PPP2R2B: variants seen among roughly 807,000 people sequenced by gnomAD.
The protein encoded by PPP2R2B is protein phosphatase 2 regulatory subunit Bbeta.
PPP2R2B carries 5 observed loss-of-function variants against 46.0 expected under a neutral mutation model. The observed-to-expected ratio is 0.11, with a 90% CI of 0.06 to 0.23. The LOEUF is 0.23. Among genes scored for constraint, PPP2R2B ranks in the 10% least tolerant of loss-of-function variants. PPP2R2B has a pLI of 1.00. For missense variants in PPP2R2B, 367 were observed against 575.0 expected (o/e 0.64, Z 3.70); for synonymous variants, 215 against 206.7 (o/e 1.04, Z -0.34).
chr5:146,646,136 C>T (rs556595670), intron 6 of PPP2R2B, among the ~76,000 whole-genome samples: 1 of 152,194 alleles, frequency 6.6e-6, no homozygotes, highest in Non-Finnish European at 1.5e-5. Context: ...ATGAACATTA[C>T]TCTGAAAGCG....
chr5:147,042,093 C>T (rs1217889580), intron 1 of PPP2R2B, among the ~76,000 whole-genome samples: 2 of 152,174 alleles, frequency 1.3e-5, no homozygotes, highest in Admixed American at 1.3e-4. Flanking sequence ...ATTGATAACG[C>T]CCAAATCCCC....
At chr5:146,728,646 G>A (rs1378377732) in intron 2 of PPP2R2B, among the ~76,000 whole-genome samples, 4 of 152,134 alleles carry the variant, frequency 2.6e-5, no homozygotes, top group Admixed American at 2.6e-4. Context: ...ATGTGTTGTG[G>A]GAGGGACCCA....
intron 2 of PPP2R2B, among the ~76,000 whole-genome samples, chr5:146,783,944 C>T (rs756014527): frequency 1.3e-5 from 2 of 152,168 alleles, no homozygotes; most frequent in African/African-American, 4.8e-5. Flanking sequence ...ATGTATATAT[C>T]TTTGTGTGTG....
intron 7 of PPP2R2B, among the ~76,000 whole-genome samples, chr5:146,629,261 A>C (rs961976435): frequency 1.3e-5 from 2 of 152,218 alleles, no homozygotes; most frequent in African/African-American, 4.8e-5. Flanking sequence ...TTTCCATGCC[A>C]AAACTGTTCC....
chr5:147,029,194 C>A (rs548295234), intron 1 of PPP2R2B, among the ~76,000 whole-genome samples: 22 of 152,066 alleles, frequency 1.4e-4, no homozygotes, highest in East Asian at 1.9e-4. Context: ...ATTATTATCA[C>A]CTTTTATGTC....
intron 2 of PPP2R2B, among the ~76,000 whole-genome samples, chr5:146,845,443 C>G (rs1418377377): frequency 6.6e-6 from 1 of 150,428 alleles, no homozygotes; most frequent in East Asian, 1.9e-4. Flanking sequence ...TTAGTAGAGA[C>G]GGGGTTTCAC....
chr5:146,591,845 C>A (rs1328251532), intron 9 of PPP2R2B, among the ~76,000 whole-genome samples: 1 of 152,028 alleles, frequency 6.6e-6, no homozygotes, highest in Admixed American at 6.6e-5. Context: ...CTTGCTAAGC[C>A]TCAGTTTCCT....
intron 4 of PPP2R2B, among the ~76,000 whole-genome samples, chr5:146,691,694 T>G (rs1229778276): frequency 6.6e-6 from 1 of 152,112 alleles, no homozygotes; most frequent in African/African-American, 2.4e-5. Flanking sequence ...AAAAGGCCCT[T>G]CATGACCTGC....
At position 146,651,079 on chromosome 5, in the gene PPP2R2B, A is replaced by G. The variant is rs147301303; in HGVS notation, c.448-355T>C. Among the ~76,000 whole-genome samples, 710 of 152,170 alleles carry G rather than the reference A, an allele frequency of 4.7e-3. 5 individuals carry two copies. The highest frequency in any genetic ancestry group is 0.015 in the African/African-American group (639 of 41,524). ...TATTTTTTTTTTAAACATGAAATCT[A>G]TTTAAAAAAGGGAGTTGTGGGAAAA... On this transcript the variant is annotated intron_variant, in intron 5 of 9. Coordinates refer to ENST00000394411, the MANE Select transcript of PPP2R2B (RefSeq NM_181675.4).
intron 2 of PPP2R2B, among the ~76,000 whole-genome samples, chr5:147,063,845 T>C (rs1757342037): frequency 6.6e-6 from 1 of 152,216 alleles, no homozygotes; most frequent in Non-Finnish European, 1.5e-5. Flanking sequence ...CTTAGTTTTC[T>C]GACCTGTAGG....
intron 2 of PPP2R2B, among the ~76,000 whole-genome samples, chr5:146,752,199 G>A (rs1263314878): frequency 2.0e-5 from 3 of 152,122 alleles, no homozygotes; most frequent in African/African-American, 4.8e-5. Context: ...ACGCTGTCAA[G>A]GTAGAGATAC....
chr5:146,782,321 A>C (rs1755580374), intron 2 of PPP2R2B, among the ~76,000 whole-genome samples: 1 of 152,202 alleles, frequency 6.6e-6, no homozygotes, highest in Admixed American at 6.5e-5. Flanking sequence ...TGAGGATCTT[A>C]ACATGTTGTT....
rs1192893274 is a variant in PPP2R2B at position 146,587,948 on chromosome 5, G to GAGA, written c.*1996_*1998dup. The GAGA allele has an allele frequency of 6.6e-6, 1 of 152,220 alleles. No homozygotes were observed. Among genetic ancestry groups the GAGA allele is most frequent in the African/African-American group, 2.4e-5 (1 of 41,452 alleles). 9.4% of individuals were successfully genotyped at this position (152,220 alleles called of 1,614,324 possible). ...GGTACAGACAGAGGAGCTGAGTCCG[G>GAGA]AGAAGTGGAGAAAAGGCCATAAAGG... On this transcript the variant is annotated 3_prime_UTR_variant, in exon 10 of 10. Coordinates refer to ENST00000394411, the MANE Select transcript of PPP2R2B (RefSeq NM_181675.4).
intron 1 of PPP2R2B, chr5:147,040,926 G>C (rs1400776351): frequency 2.7e-6 from 1 of 375,822 alleles, no homozygotes; most frequent in Non-Finnish European, 5.2e-6. Flanking sequence ...AGCCTGCCAA[G>C]TGAAAGGTAG....
intron 2 of PPP2R2B, among the ~76,000 whole-genome samples, chr5:146,873,721 C>T (rs1761741167): frequency 6.6e-6 from 1 of 152,168 alleles, no homozygotes; most frequent in African/African-American, 2.4e-5. Flanking sequence ...ATGCGATTTC[C>T]TGCCTCAGCC....
chr5:146,636,775 G>T (rs75562149), intron 7 of PPP2R2B, among the ~76,000 whole-genome samples: 41 of 152,334 alleles, frequency 2.7e-4, no homozygotes, highest in Non-Finnish European at 5.9e-5. Flanking sequence ...AACCATCATT[G>T]CTATTTAACC....
At chr5:146,659,558 T>C (rs464080) in intron 5 of PPP2R2B, among the ~76,000 whole-genome samples, 143,358 of 152,262 alleles carry the variant, frequency 0.94, 67,844 homozygotes, top group East Asian at 1. Context: ...GAACTTAGCA[T>C]GACGATTGAC....
chr5:146,642,650 T>C (rs1011991637), intron 6 of PPP2R2B, among the ~76,000 whole-genome samples: 1 of 152,202 alleles, frequency 6.6e-6, no homozygotes, highest in African/African-American at 2.4e-5. Context: ...GGGAAGACAC[T>C]AAAACATTAG....
At chr5:146,688,064 CT>C (rs1036205724) in intron 5 of PPP2R2B, among the ~76,000 whole-genome samples, 6 of 151,230 alleles carry the variant, frequency 4.0e-5, no homozygotes, top group African/African-American at 9.7e-5. Flanking sequence ...GGGTTGCCTG[CT>C]TTTTTTTTCT....
Sources: allele counts gnomAD v4.1 joint callset (sites outside exome capture counted in the v4.1 genomes callset), GRCh38; gene constraint gnomAD v4.1.1; transcripts MANE v1.5; gene names NCBI Gene and HGNC (gene_info 2026-07-23, HGNC 2026-07-21).